Variants in PIN4 observed in about 807,000 individuals in gnomAD.
PIN4 encodes peptidylprolyl cis/trans isomerase, NIMA-interacting 4, also known as peptidyl-prolyl cis-trans isomerase NIMA-interacting 4.
PIN4 carries 3 observed loss-of-function variants against 8.3 expected under a neutral mutation model. That is an observed-to-expected ratio of 0.36 (90% CI 0.16 to 0.93). PIN4 has a LOEUF of 0.93. Ranked by LOEUF, PIN4 falls within the 40% of genes least tolerant of loss-of-function variation. The pLI is 0.44. For missense variants in PIN4, 75 were observed against 100.6 expected (o/e 0.75, Z 1.09); for synonymous variants, 18 against 32.5 (o/e 0.55, Z 1.52).
intron 1 of PIN4, among the ~76,000 whole-genome samples, chrX:72,185,156 A>AAAAAAAAAAC (rs2042695066): frequency 1.9e-5 from 2 of 103,941 alleles, no homozygotes; most frequent in Non-Finnish European, 4.0e-5. Context: ...TCAAAAAAAA[A>AAAAAAAAAAC]AAAAAAAAAA....
At chrX:72,187,538 C>T (rs1342069971) in intron 2 of PIN4, among the ~76,000 whole-genome samples, 1 of 111,873 alleles carries the variant, frequency 8.9e-6, no homozygotes, top group African/African-American at 3.2e-5. Context: ...ATGGTTCATT[C>T]CTGTAATCCC....
chrX:72,249,584 C>T (rs1435907501), intron 3 of PIN4, among the ~76,000 whole-genome samples: 1 of 111,957 alleles, frequency 8.9e-6, no homozygotes, highest in Non-Finnish European at 1.9e-5. Context: ...GAATACCACT[C>T]AGCCACAAAA....
intron 3 of PIN4, chrX:72,238,743 T>C: frequency 1.3e-6 from 1 of 785,619 alleles, no homozygotes; most frequent in Admixed American, 3.0e-5. Flanking sequence ...CTCAAAAGGC[T>C]CCGCCTCAAC....
intron 3 of PIN4, among the ~76,000 whole-genome samples, chrX:72,259,880 G>C (rs1402626776): frequency 9.3e-6 from 1 of 107,449 alleles, no homozygotes; most frequent in Non-Finnish European, 1.9e-5. Context: ...ACAGGTGCTT[G>C]CCACCATACC....
intron 3 of PIN4, chrX:72,207,170 G>A: frequency 2.5e-6 from 3 of 1,210,978 alleles, no homozygotes; most frequent in Non-Finnish European, 2.2e-6. Flanking sequence ...GTGGTAAGCA[G>A]AAAAACAGAG....
At chrX:72,241,136 G>C (rs2043047615) in intron 3 of PIN4, among the ~76,000 whole-genome samples, 1 of 111,539 alleles carries the variant, frequency 9.0e-6, no homozygotes, top group Non-Finnish European at 1.9e-5. Flanking sequence ...CTCTGCTAAA[G>C]TGTTTGAATC....
intron 2 of PIN4, among the ~76,000 whole-genome samples, chrX:72,192,846 C>G (rs1018908322): frequency 8.9e-6 from 1 of 111,737 alleles, no homozygotes; most frequent in African/African-American, 3.3e-5. Context: ...GATCCTCCCA[C>G]CTTGGCCTCC....
At chrX:72,256,946 G>A (rs915121485) in intron 3 of PIN4, among the ~76,000 whole-genome samples, 1 of 112,207 alleles carries the variant, frequency 8.9e-6, no homozygotes, top group East Asian at 2.8e-4. Flanking sequence ...GCTGGGAACA[G>A]ATCATCTAGG....
intron 3 of PIN4, among the ~76,000 whole-genome samples, chrX:72,258,144 G>T (rs1195714841): frequency 9.0e-6 from 1 of 111,595 alleles, no homozygotes; most frequent in Non-Finnish European, 1.9e-5. Flanking sequence ...TGGACTGTGT[G>T]ATGGAAAGGA....
chrX:72,205,719 T>C, intron 3 of PIN4: 1 of 1,212,119 alleles, frequency 8.3e-7, no homozygotes, highest in Non-Finnish European at 1.1e-6. Flanking sequence ...TGATTTTTGC[T>C]TTAACTACTA....
chrX:72,256,737 G>A (rs189740333), intron 3 of PIN4, among the ~76,000 whole-genome samples: 1 of 112,155 alleles, frequency 8.9e-6, no homozygotes, highest in African/African-American at 3.2e-5. Flanking sequence ...ATTGAAACAG[G>A]ATGATGGGGA....
At chrX:72,255,018 G>T (rs1383012914) in intron 3 of PIN4, among the ~76,000 whole-genome samples, 1 of 109,836 alleles carries the variant, frequency 9.1e-6, no homozygotes, top group Non-Finnish European at 1.9e-5. Flanking sequence ...GCTCTGGCGG[G>T]GGATTCAGGC....
chrX:72,203,936 A>AGAT (rs1272200531), intron 3 of PIN4, among the ~76,000 whole-genome samples: 3 of 111,267 alleles, frequency 2.7e-5, no homozygotes, highest in African/African-American at 6.7e-5. Context: ...TACAATCCAA[A>AGAT]GATAGACTGT....
chrX:72,199,596 A>G (rs149349346), downstream of PIN4, among the ~76,000 whole-genome samples: 66 of 112,438 alleles, frequency 5.9e-4, 1 homozygote, highest in African/African-American at 1.9e-3. Flanking sequence ...TAAATTCTGA[A>G]GAGCTGTATA....
chrX:72,181,727 T>C (rs942264130), upstream of PIN4: 6 of 1,147,544 alleles, frequency 5.2e-6, no homozygotes, highest in Non-Finnish European at 7.2e-6. Context: ...ATGGCGGGGC[T>C]TCTAAAGGGG....
intron 3 of PIN4, among the ~76,000 whole-genome samples, chrX:72,246,998 T>C (rs1029952368): frequency 3.6e-5 from 4 of 110,596 alleles, no homozygotes; most frequent in African/African-American, 1.3e-4. Flanking sequence ...AAATAGTTGT[T>C]GGATGGATGG....
chrX:72,182,130 A>G (rs2042676592), intron 1 of PIN4, among the ~76,000 whole-genome samples: 1 of 112,753 alleles, frequency 8.9e-6, no homozygotes, highest in Non-Finnish European at 1.9e-5. Context: ...CACATTGGTT[A>G]TGGTCCTTAA....
intron 2 of PIN4, among the ~76,000 whole-genome samples, chrX:72,193,010 C>T (rs183090876): frequency 9.0e-6 from 1 of 111,259 alleles, no homozygotes; most frequent in East Asian, 2.8e-4. Flanking sequence ...TCCTGGTAAC[C>T]TCATGAATTC....
Position 72,198,193 on chromosome X carries a change from G to T in PIN4, c.*667G>T, listed in dbSNP as rs2042776322. On this transcript the variant is annotated 3_prime_UTR_variant, in exon 4 of 4. Transcript: ENST00000373669. ...TCATTCCCTCATCTTCAGTGTATGGGTTACATTAAGACTGTCCTTTCCAGG... is the reference window on the plus strand; with the variant it reads ...TCATTCCCTCATCTTCAGTGTATGGTTTACATTAAGACTGTCCTTTCCAGG... The T allele has an allele frequency of 1.3e-6, 1 of 748,958 alleles. No homozygotes were observed. Among genetic ancestry groups the T allele is most frequent in the African/African-American group, 2.3e-5 (1 of 43,695 alleles). 61.7% of individuals were successfully genotyped at this position (748,958 alleles called of 1,213,427 possible).
Sources: allele counts gnomAD v4.1 joint callset (sites outside exome capture counted in the v4.1 genomes callset), GRCh38; gene constraint gnomAD v4.1.1; transcripts MANE v1.5; gene names NCBI Gene and HGNC (gene_info 2026-07-23, HGNC 2026-07-21).